CENPP: variants seen among roughly 807,000 people sequenced by gnomAD.
The protein encoded by CENPP is centromere protein P.
A neutral mutation model predicts 35.6 loss-of-function variants in CENPP; 24 were observed. The ratio of observed to expected loss-of-function variants is 0.67; its 90% CI spans 0.49 to 0.95. The LOEUF is 0.95. CENPP is among the 40% of genes least tolerant of loss of function. CENPP has a pLI of 0.00. For synonymous variants in CENPP, 120 were observed against 125.5 expected, an observed-to-expected ratio of 0.96 and a Z score of 0.29; for missense variants, 332 against 345.3, an observed-to-expected ratio of 0.96 and a Z score of 0.31.
intron 4 of CENPP, among the ~76,000 whole-genome samples, chr9:92,347,788 C>T (rs990071948): frequency 1.3e-5 from 2 of 152,166 alleles, no homozygotes; most frequent in East Asian, 3.8e-4. Flanking sequence ...TTTATTTTCC[C>T]TCAACCATTG....
At position 92,397,560 on chromosome 9, in the gene CENPP, C is replaced by T. The variant is rs144855506; in HGVS notation, c.564+17701C>T. ...GGCCAGGCTTGTCTCAAATTCCTAA[C>T]TTCAGGTGGTCCACCCGCCTTGGCC... On this transcript the variant is annotated intron_variant, in intron 5 of 7. Coordinates refer to ENST00000375587, the MANE Select transcript of CENPP (RefSeq NM_001012267.3). Among the ~76,000 whole-genome samples the T allele has an allele frequency of 4.6e-4, 70 of 152,284 alleles. No homozygotes were observed. The East Asian group carries it at 0.012, about 26-fold the overall frequency.
intron 5 of CENPP, among the ~76,000 whole-genome samples, chr9:92,531,884 C>T (rs1443850364): frequency 1.3e-5 from 2 of 151,976 alleles, no homozygotes; most frequent in Non-Finnish European, 2.9e-5. Flanking sequence ...CTGGGGTTGA[C>T]AAGTGTTTTC....
At chr9:92,360,398 C>G (rs1841715789) in intron 4 of CENPP, among the ~76,000 whole-genome samples, 2 of 152,116 alleles carry the variant, frequency 1.3e-5, no homozygotes, top group South Asian at 4.1e-4. Flanking sequence ...GACCCTATCT[C>G]TACAAAAACA....
intron 5 of CENPP, among the ~76,000 whole-genome samples, chr9:92,580,691 CTT>C (rs1169008228): frequency 6.7e-6 from 1 of 148,838 alleles, no homozygotes; most frequent in Admixed American, 6.8e-5. Flanking sequence ...ATTCTTCTCT[CTT>C]TTTTTCTTTA....
chr9:92,470,889 C>G, intron 5 of CENPP: 1 of 722,626 alleles, frequency 1.4e-6, no homozygotes, highest in Non-Finnish European at 2.3e-6. Flanking sequence ...CATCAAGTTA[C>G]AGATGACTTA....
rs565415372 is a variant in CENPP, at chr9:92,473,371, G to A, written c.564+93512G>A. Among the ~76,000 whole-genome samples the A allele has an allele frequency of 1.6e-4, 24 of 152,284 alleles. No individual in the cohort carries two copies. In the East Asian group the frequency reaches 4.2e-3, roughly 27 times the overall value. ...CCAGTTTACATCTGGTGGAGTCATA[G>A]CAGATACACATATTTTTATCTGGAA... On this transcript the variant is annotated intron_variant, in intron 5 of 7. Coordinates refer to ENST00000375587, the MANE Select transcript of CENPP (RefSeq NM_001012267.3).
chr9:92,357,504 ATTATTT>A, intron 4 of CENPP, among the ~76,000 whole-genome samples: 1 of 107,702 alleles, frequency 9.3e-6, no homozygotes, highest in South Asian at 3.2e-4. Context: ...TATTATTATT[ATTATTT>A]TGAGATGGAA....
chr9:92,416,502 A>G lies in CENPP; in HGVS notation c.564+36643A>G, dbSNP rs528110868. The G allele has an allele frequency of 2.3e-5, 15 of 651,164 alleles. No homozygotes were observed. In the Admixed American group the frequency reaches 3.3e-4, roughly 14 times the overall value. 40.3% of individuals were successfully genotyped at this position (651,164 alleles called of 1,614,324 possible). On this transcript the variant is annotated intron_variant, in intron 5 of 7. Transcript: ENST00000375587. ...GCAGATTTCTGCCATTCCCTTAAGC[A>G]ACTTCAAAACAACTATTTTCAGCAA...
chr9:92,386,056 CT>C, intron 5 of CENPP: 1 of 674,024 alleles, frequency 1.5e-6, no homozygotes, highest in Non-Finnish European at 2.6e-6. Flanking sequence ...TAGTATTAAT[CT>C]TTTTGATAGG....
At chr9:92,366,443 T>C (rs1029162604) in intron 4 of CENPP, among the ~76,000 whole-genome samples, 2 of 152,158 alleles carry the variant, frequency 1.3e-5, no homozygotes, top group African/African-American at 4.8e-5. Context: ...TAAAATTACT[T>C]CATTTTACAG....
intron 5 of CENPP, among the ~76,000 whole-genome samples, chr9:92,453,251 C>T (rs1043669625): frequency 4.6e-5 from 7 of 152,002 alleles, no homozygotes; most frequent in Non-Finnish European, 1.0e-4. Context: ...CTATAAATTT[C>T]CCTCTACACA....
intron 5 of CENPP, chr9:92,509,990 C>T (rs754430190): frequency 1.2e-6 from 2 of 1,608,358 alleles, no homozygotes; most frequent in Admixed American, 1.7e-5. Context: ...GAATCTGTAT[C>T]AAATTATTTC....
Position 92,490,210 on chromosome 9 carries a change from C to T in CENPP, c.564+110351C>T, listed in dbSNP as rs145564468. ...AGATGTTGTTTCCTGATTTTGTGCACGAAGAAACTAGAACTCTAAGTAACT... is the reference window on the plus strand; with the variant it reads ...AGATGTTGTTTCCTGATTTTGTGCATGAAGAAACTAGAACTCTAAGTAACT... On this transcript the variant is annotated intron_variant, in intron 5 of 7. Transcript: ENST00000375587. Among the ~76,000 whole-genome samples the T allele has an allele frequency of 7.5e-3, 1,144 of 152,240 alleles. 13 individuals carry two copies. The highest frequency in any genetic ancestry group is 0.034 in the Middle Eastern group (10 of 294).
chr9:92,391,565 C>A (rs1251664095), intron 5 of CENPP, among the ~76,000 whole-genome samples: 3 of 152,180 alleles, frequency 2.0e-5, no homozygotes, highest in Admixed American at 6.5e-5. Flanking sequence ...CACCACTGCA[C>A]TTCAGCCTGG....
rs1456274423 is a variant in CENPP, at chr9:92,614,402, C to T, written c.*1253C>T. The T allele has an allele frequency of 6.6e-6, 1 of 152,310 alleles. No homozygotes were observed. The allele number at this position is 152,310 out of a possible 1,614,324, so 9.4% of individuals were successfully genotyped here. On this transcript the variant is annotated 3_prime_UTR_variant, in exon 8 of 8. Transcript: ENST00000375587. ...GCTCCGTGCACTTCACCAAAGCCCC[C>T]ATCCCAGCACACAGGACCCGTGTGT... is the stretch of plus-strand genomic sequence containing the variant.
At position 92,371,130 on chromosome 9, in the gene CENPP, C is replaced by T. The variant is rs117736409; in HGVS notation, c.468-8633C>T. Among the ~76,000 whole-genome samples the T allele has an allele frequency of 1.4e-4, 22 of 152,120 alleles. No individual in the cohort carries two copies. The East Asian group carries it at 4.2e-3, about 29-fold the overall frequency. ...CTATTTCATTTAGTTCTGCTTTGAT[C>T]TTTTGAAATTCTTTTCTTCTGCTAA... On this transcript the variant is annotated intron_variant, in intron 4 of 7. Transcript: ENST00000375587.
intron 1 of CENPP, among the ~76,000 whole-genome samples, chr9:92,329,731 G>T (rs7867909): frequency 6.6e-6 from 1 of 151,854 alleles, no homozygotes; most frequent in African/African-American, 2.4e-5. Flanking sequence ...TTTTGTGTGT[G>T]TGTGTGTGTG....
chr9:92,374,801 T>A (rs973889686), intron 4 of CENPP, among the ~76,000 whole-genome samples: 1 of 152,256 alleles, frequency 6.6e-6, no homozygotes, highest in South Asian at 2.1e-4. Flanking sequence ...ATTATTTCTA[T>A]ATATGGTTTT....
At chr9:92,607,995 T>A (rs1269802032) in intron 5 of CENPP, among the ~76,000 whole-genome samples, 8 of 152,228 alleles carry the variant, frequency 5.3e-5, no homozygotes, top group Non-Finnish European at 1.0e-4. Context: ...CCTCAGCATT[T>A]CTAGCTTAAG....
Sources: gnomAD v4.1 joint callset for allele counts (sites outside exome capture counted in the v4.1 genomes callset) on GRCh38, gnomAD v4.1.1 for gene constraint, MANE v1.5 for transcripts, NCBI Gene and HGNC (gene_info 2026-07-23, HGNC 2026-07-21) for gene names.